RBMS3: variants seen among roughly 807,000 people sequenced by gnomAD.
RBMS3 encodes RNA binding motif single stranded interacting protein 3.
A neutral mutation model predicts 66.8 loss-of-function variants in RBMS3; 27 were observed. The observed-to-expected ratio is 0.40, with a 90% CI of 0.30 to 0.56. The LOEUF (loss-of-function observed/expected upper bound fraction) is 0.56. Ranked by LOEUF, RBMS3 falls within the 20% of genes least tolerant of loss-of-function variation. The pLI, the probability that RBMS3 is intolerant of heterozygous loss-of-function variation, is 0.40. For synonymous variants in RBMS3, 188 were observed against 183.0 expected, an observed-to-expected ratio of 1.03 and a Z score of -0.22; for missense variants, 513 against 549.5, an observed-to-expected ratio of 0.93 and a Z score of 0.66.
chr3:29,537,182 T>C (rs1410222285), intron 3 of RBMS3, among the ~76,000 whole-genome samples: 4 of 152,006 alleles, frequency 2.6e-5, no homozygotes, highest in African/African-American at 4.8e-5. Context: ...AAGGTAAAAC[T>C]GACACATGAG....
intron 1 of RBMS3, among the ~76,000 whole-genome samples, chr3:29,399,814 G>T (rs368403274): frequency 6.6e-6 from 1 of 152,140 alleles, no homozygotes; most frequent in Non-Finnish European, 1.5e-5. Flanking sequence ...TGATAGGCAG[G>T]TAGAGAAGTA....
intron 1 of RBMS3, among the ~76,000 whole-genome samples, chr3:29,330,625 A>C (rs1314242059): frequency 6.6e-6 from 1 of 152,102 alleles, no homozygotes; most frequent in African/African-American, 2.4e-5. Flanking sequence ...CCTATTGCTG[A>C]ACTAGCCTTG....
intron 6 of RBMS3, among the ~76,000 whole-genome samples, chr3:29,792,178 A>G (rs1318522393): frequency 1.3e-5 from 2 of 152,198 alleles, no homozygotes; most frequent in African/African-American, 4.8e-5. Flanking sequence ...TTTCCTATCT[A>G]AAAGTGACAT....
intron 1 of RBMS3, among the ~76,000 whole-genome samples, chr3:29,430,566 T>C (rs2041144457): frequency 6.6e-6 from 1 of 152,218 alleles, no homozygotes; most frequent in African/African-American, 2.4e-5. Context: ...TTTATTGCTT[T>C]AGGCATCATG....
At chr3:29,585,069 A>G (rs1473989513) in intron 3 of RBMS3, among the ~76,000 whole-genome samples, 1 of 152,120 alleles carries the variant, frequency 6.6e-6, no homozygotes, top group African/African-American at 2.4e-5. Flanking sequence ...CAACTCAACT[A>G]TTAGTTGCAT....
At chr3:29,867,530 C>A (rs1408385787) in intron 6 of RBMS3, among the ~76,000 whole-genome samples, 1 of 143,600 alleles carries the variant, frequency 7.0e-6, no homozygotes, top group Non-Finnish European at 1.5e-5. Flanking sequence ...GGAATGTTAG[C>A]ATGTTAAGGA....
chr3:29,429,788 C>CA (rs1488297177), intron 1 of RBMS3, among the ~76,000 whole-genome samples: 1 of 152,160 alleles, frequency 6.6e-6, no homozygotes, highest in African/African-American at 2.4e-5. Flanking sequence ...ATCCCTTCCT[C>CA]AGTGCTCCAA....
intron 1 of RBMS3, among the ~76,000 whole-genome samples, chr3:29,309,454 G>A (rs1293244313): frequency 6.6e-6 from 1 of 151,678 alleles, no homozygotes; most frequent in African/African-American, 2.4e-5. Context: ...GTACTGACAC[G>A]TTAAATTCTT....
intron 12 of RBMS3, among the ~76,000 whole-genome samples, chr3:29,969,468 A>G (rs368058552): frequency 2.6e-5 from 4 of 152,150 alleles, no homozygotes; most frequent in African/African-American, 9.7e-5. Context: ...ATTCATTTGC[A>G]TTTGTCTTCA....
intron 1 of RBMS3, among the ~76,000 whole-genome samples, chr3:29,423,964 C>A (rs1337084751): frequency 2.0e-5 from 3 of 152,126 alleles, no homozygotes; most frequent in Non-Finnish European, 2.9e-5. Flanking sequence ...TCTTCTTCAA[C>A]ATAGAGATAA....
chr3:29,454,165 GC>G (rs886128719), intron 2 of RBMS3, among the ~76,000 whole-genome samples: 3 of 152,150 alleles, frequency 2.0e-5, no homozygotes, highest in Admixed American at 6.5e-5. Context: ...TTTCCAGGAG[GC>G]CCCAGCTCCC....
chr3:29,869,354 A>G (rs2059435431), intron 7 of RBMS3, among the ~76,000 whole-genome samples: 1 of 152,134 alleles, frequency 6.6e-6, no homozygotes, highest in Non-Finnish European at 1.5e-5. Context: ...AAACAGGCAG[A>G]CAAAATTTGG....
chr3:29,310,461 A>C (rs1316270023), intron 1 of RBMS3, among the ~76,000 whole-genome samples: 1 of 151,632 alleles, frequency 6.6e-6, no homozygotes, highest in Non-Finnish European at 1.5e-5. Context: ...GATCCTTTCC[A>C]CTGAAACACT....
rs547450196 is a variant in RBMS3, at chr3:29,876,457, T to C, written c.744+7493T>C. Among the ~76,000 whole-genome samples, 8 of 152,334 alleles carry C rather than the reference T, an allele frequency of 5.3e-5. No homozygotes were observed. The East Asian group carries it at 1.5e-3, about 29-fold the overall frequency. On this transcript the variant is annotated intron_variant, in intron 7 of 14. Transcript: ENST00000383767. ...AACATTTCTTTAGGTGAATTATTCA[T>C]GTATTAATTCATTTAGCTAACATTT...
intron 2 of RBMS3, among the ~76,000 whole-genome samples, chr3:29,440,180 T>A (rs2125736669): frequency 6.6e-6 from 1 of 152,338 alleles, no homozygotes; most frequent in Middle Eastern, 3.4e-3. Flanking sequence ...TGCATCATAA[T>A]GGGTAGCATT....
intron 10 of RBMS3, among the ~76,000 whole-genome samples, chr3:29,935,141 C>G (rs2061233853): frequency 1.3e-5 from 2 of 151,984 alleles, no homozygotes; most frequent in African/African-American, 4.8e-5. Context: ...CCAATTCAAG[C>G]TTTTTAAGTT....
At chr3:29,837,646 CATATATATATAATGAACATATATATATAT>C (rs1252797882) in intron 6 of RBMS3, among the ~76,000 whole-genome samples, 1 of 105,076 alleles carries the variant, frequency 9.5e-6, no homozygotes, top group African/African-American at 3.3e-5. Flanking sequence ...ATATAATGAA[CATATATATATAATGAACATATATATATAT>C]ATATATATAT....
chr3:29,924,682 A>G (rs1318047814), intron 10 of RBMS3: 1 of 152,210 alleles, frequency 6.6e-6, no homozygotes, highest in Non-Finnish European at 1.5e-5. Flanking sequence ...CTAAAAATGC[A>G]AAATTAGCCA....
intron 6 of RBMS3, among the ~76,000 whole-genome samples, chr3:29,800,816 A>ATT (rs3070791): frequency 2.7e-5 from 4 of 148,486 alleles, no homozygotes; most frequent in South Asian, 2.1e-4. Flanking sequence ...GAGAACACAC[A>ATT]TTTTTTTTCC....
Sources: allele counts gnomAD v4.1 joint callset (sites outside exome capture counted in the v4.1 genomes callset), GRCh38; gene constraint gnomAD v4.1.1; transcripts MANE v1.5; gene names NCBI Gene and HGNC (gene_info 2026-07-23, HGNC 2026-07-21).